The following CYP19A1 variants were observed in gnomAD, a reference collection of about 807,000 sequenced individuals.
The protein encoded by CYP19A1 is aromatase.
CYP19A1 carries 32 observed loss-of-function variants against 44.4 expected under a neutral mutation model. The observed-to-expected ratio is 0.72, with a 90% CI of 0.54 to 0.97. The LOEUF (loss-of-function observed/expected upper bound fraction) is 0.97. Among genes scored for constraint, CYP19A1 ranks in the 50% least tolerant of loss-of-function variants. The pLI is 0.00. For missense variants in CYP19A1, 598 were observed against 637.8 expected, an observed-to-expected ratio of 0.94 and a Z score of 0.67; for synonymous variants, 212 against 215.6, an observed-to-expected ratio of 0.98 and a Z score of 0.14.
At chr15:51,336,451 T>C (rs1415012713) in intron 1 of CYP19A1, among the ~76,000 whole-genome samples, 1 of 152,188 alleles carries the variant, frequency 6.6e-6, no homozygotes, top group Non-Finnish European at 1.5e-5. Flanking sequence ...CATAAGAGGC[T>C]GAGTGGAAGA....
At chr15:51,221,332 A>C (rs967062859) in intron 5 of CYP19A1, 4 of 152,180 alleles carry the variant, frequency 2.6e-5, no homozygotes, top group Non-Finnish European at 5.9e-5. Flanking sequence ...AACATTCTTT[A>C]AGAGTAATAC....
intron 1 of CYP19A1, among the ~76,000 whole-genome samples, chr15:51,273,029 G>T (rs2035184806): frequency 6.6e-6 from 1 of 152,018 alleles, no homozygotes. Context: ...CATGATCTCG[G>T]CTCACTGCAA....
chr15:51,252,967 C>G (rs2034379405), intron 1 of CYP19A1, among the ~76,000 whole-genome samples: 1 of 152,082 alleles, frequency 6.6e-6, no homozygotes, highest in Non-Finnish European at 1.5e-5. Flanking sequence ...GAAAGAAAAG[C>G]ATTACTCTGC....
chr15:51,282,363 C>T (rs1424912773), intron 1 of CYP19A1, among the ~76,000 whole-genome samples: 1 of 152,190 alleles, frequency 6.6e-6, no homozygotes, highest in Non-Finnish European at 1.5e-5. Context: ...GACTTGCTGG[C>T]TCCTTGCTTC....
intron 4 of CYP19A1, among the ~76,000 whole-genome samples, chr15:51,225,029 C>T (rs1459044742): frequency 1.3e-5 from 2 of 152,166 alleles, no homozygotes; most frequent in Non-Finnish European, 2.9e-5. Context: ...TCCCCTGCCC[C>T]TCAATGTGCT....
chr15:51,334,702 C>G (rs1322995300), intron 1 of CYP19A1, among the ~76,000 whole-genome samples: 2 of 152,190 alleles, frequency 1.3e-5, no homozygotes, highest in Non-Finnish European at 2.9e-5. Context: ...AATTTAAAGC[C>G]TACTAATGTT....
chr15:51,251,719 C>T (rs1157443580), intron 1 of CYP19A1, among the ~76,000 whole-genome samples: 2 of 152,216 alleles, frequency 1.3e-5, no homozygotes, highest in Non-Finnish European at 2.9e-5. Context: ...CCCAGCAACT[C>T]AGTGGCCCAT....
intron 1 of CYP19A1, among the ~76,000 whole-genome samples, chr15:51,285,081 G>T (rs563963575): frequency 1.3e-5 from 2 of 152,176 alleles, no homozygotes; most frequent in Non-Finnish European, 2.9e-5. Flanking sequence ...CAAGAAAACC[G>T]CACAGGAAGC....
intron 1 of CYP19A1, among the ~76,000 whole-genome samples, chr15:51,267,435 T>C (rs1258374919): frequency 6.6e-6 from 1 of 152,176 alleles, no homozygotes; most frequent in Admixed American, 6.5e-5. Flanking sequence ...TAAGTTGCGC[T>C]GGCTTGAGCA....
intron 1 of CYP19A1, among the ~76,000 whole-genome samples, chr15:51,271,377 ATAGTTT>A (rs1448565478): frequency 2.6e-5 from 4 of 152,310 alleles, no homozygotes; most frequent in African/African-American, 9.6e-5. Flanking sequence ...GAAATTTCTA[ATAGTTT>A]AGCATCCAAA....
At chr15:51,245,336 GTTTAT>G (rs1225165682) in intron 1 of CYP19A1, among the ~76,000 whole-genome samples, 1 of 152,082 alleles carries the variant, frequency 6.6e-6, no homozygotes, top group Admixed American at 6.5e-5. Flanking sequence ...TTTTATTTTA[GTTTAT>G]TTTATTTTTA....
chr15:51,273,496 G>A (rs921069691), intron 1 of CYP19A1, among the ~76,000 whole-genome samples: 3 of 152,006 alleles, frequency 2.0e-5, no homozygotes, highest in South Asian at 2.1e-4. Flanking sequence ...GTAAAATAAG[G>A]GTAATAGTCT....
intron 1 of CYP19A1, among the ~76,000 whole-genome samples, chr15:51,262,662 C>A (rs1005074088): frequency 1.3e-5 from 2 of 152,188 alleles, no homozygotes; most frequent in Non-Finnish European, 2.9e-5. Flanking sequence ...ACGATTTCCC[C>A]ATTTCTGGCA....
chr15:51,272,201 A>G (rs931502842), intron 1 of CYP19A1, among the ~76,000 whole-genome samples: 2 of 152,036 alleles, frequency 1.3e-5, no homozygotes, highest in Non-Finnish European at 2.9e-5. Context: ...ATCTTTTCCT[A>G]TCCTCGTATT....
chr15:51,253,433 G>A (rs566922709), intron 1 of CYP19A1, among the ~76,000 whole-genome samples: 21 of 152,238 alleles, frequency 1.4e-4, no homozygotes, highest in African/African-American at 5.1e-4. Context: ...GTTGGGGAGT[G>A]GGGTAGTCGT....
intron 1 of CYP19A1, among the ~76,000 whole-genome samples, chr15:51,284,843 A>G (rs954253624): frequency 6.6e-6 from 1 of 152,234 alleles, no homozygotes. Context: ...TCTCCAGGTG[A>G]CAATCAGGTG....
At chr15:51,320,447 G>A (rs553409182) in intron 1 of CYP19A1, 1 of 152,518 alleles carries the variant, frequency 6.6e-6, no homozygotes, top group Admixed American at 6.5e-5. Flanking sequence ...AGGACTTAGA[G>A]ACACAGGTAA....
chr15:51,288,901 C>T (rs1595760595), intron 1 of CYP19A1, among the ~76,000 whole-genome samples: 1 of 152,238 alleles, frequency 6.6e-6, no homozygotes, highest in Admixed American at 6.5e-5. Context: ...CCCAGCCTAA[C>T]TTGCCAAGCT....
At position 51,210,996 on chromosome 15, in the gene CYP19A1, T is replaced by A; in HGVS notation, c.1324A>T (p.Ile442Phe). The A allele has an allele frequency of 6.3e-7, 1 of 1,593,156 alleles. No homozygotes were observed. The highest frequency in any genetic ancestry group is 1.7e-5 in the Admixed American group (1 of 59,970). ...FGPRGCAGKY[I>F]AMVMMKAILV... is the part of the protein sequence containing the mutation. ...ATGGCTTTCATCATCACCATGGCGATGTACTTTCCTGCACAGCCACGGGGC... is the reference window on the plus strand; with the variant it reads ...ATGGCTTTCATCATCACCATGGCGAAGTACTTTCCTGCACAGCCACGGGGC... The change falls in exon 10 of 10, where the codon ATC (isoleucine) becomes TTC (phenylalanine). Residue 442 changes from isoleucine to phenylalanine, a missense_variant. Transcript: ENST00000396402.
Sources: allele counts gnomAD v4.1 joint callset (sites outside exome capture counted in the v4.1 genomes callset), GRCh38; gene constraint gnomAD v4.1.1; transcripts MANE v1.5; gene names NCBI Gene and HGNC (gene_info 2026-07-23, HGNC 2026-07-21).